The following GNAO1 variants were observed in gnomAD, a reference collection of about 807,000 sequenced individuals.
GNAO1 encodes the protein G protein subunit alpha o1.
For synonymous variants in GNAO1, 164 were observed against 180.7 expected, an observed-to-expected ratio of 0.91 and a Z score of 0.74; for missense variants, 166 against 478.7, an observed-to-expected ratio of 0.35 and a Z score of 6.10.
intron 2 of GNAO1, among the ~76,000 whole-genome samples, chr16:56,220,843 G>A (rs1330635279): frequency 1.3e-5 from 2 of 152,106 alleles, no homozygotes; most frequent in Admixed American, 1.3e-4. Flanking sequence ...TGCTGCCCGG[G>A]TTCAAGCAAT....
intron 2 of GNAO1, among the ~76,000 whole-genome samples, chr16:56,230,543 G>A (rs2036580154): frequency 6.6e-6 from 1 of 152,112 alleles, no homozygotes; most frequent in Non-Finnish European, 1.5e-5. Flanking sequence ...TGAAGCTATT[G>A]GAATAGCCTT....
intron 6 of GNAO1, chr16:56,345,181 T>C: frequency 1.0e-6 from 1 of 985,944 alleles, no homozygotes; most frequent in Non-Finnish European, 1.2e-6. Context: ...TGGCTGGCCT[T>C]GGGCAACCAA....
At chr16:56,263,143 G>T (rs2036919140) in intron 2 of GNAO1, among the ~76,000 whole-genome samples, 1 of 152,212 alleles carries the variant, frequency 6.6e-6, no homozygotes, top group Non-Finnish European at 1.5e-5. Context: ...GGCCCAAGGG[G>T]GAAGACTATT....
chr16:56,346,494 A>T, intron 6 of GNAO1: 1 of 985,380 alleles, frequency 1.0e-6, no homozygotes, highest in Non-Finnish European at 1.2e-6. Flanking sequence ...CAGTTTTGTG[A>T]CCTGCGCCGC....
chr16:56,255,114 T>C (rs1218126534), intron 2 of GNAO1, among the ~76,000 whole-genome samples: 1 of 152,210 alleles, frequency 6.6e-6, no homozygotes, highest in Non-Finnish European at 1.5e-5. Flanking sequence ...GAGCTGTTGG[T>C]GGAATTTCCC....
intron 3 of GNAO1, among the ~76,000 whole-genome samples, chr16:56,280,981 T>A (rs138248075): frequency 1.3e-5 from 2 of 152,316 alleles, no homozygotes; most frequent in African/African-American, 4.8e-5. Flanking sequence ...TGGGCCTAAT[T>A]TGTCCTGTTA....
At position 56,273,781 on chromosome 16, in the gene GNAO1, C is replaced by T. The variant is rs114934443; in HGVS notation, c.162-2150C>T. Reference sequence around the variant, plus strand: ...CTCAGCCCCGTTGCTATGGCATGAGCCTTCTGGCGTCTCTGCTGAGTGCCC... The same window carrying T: ...CTCAGCCCCGTTGCTATGGCATGAGTCTTCTGGCGTCTCTGCTGAGTGCCC... On this transcript the variant is annotated intron_variant, in intron 2 of 8. Transcript: ENST00000262493. Among the ~76,000 whole-genome samples, 184 of 152,310 alleles carry T rather than the reference C, an allele frequency of 1.2e-3. 1 individual carries two copies. The highest frequency in any genetic ancestry group is 4.3e-3 in the African/African-American group (180 of 41,568).
chr16:56,353,326 A>G (rs1240496746), intron 7 of GNAO1: 1 of 152,212 alleles, frequency 6.6e-6, no homozygotes, highest in Non-Finnish European at 1.5e-5. Flanking sequence ...GGGAGTGGCC[A>G]GTCTCACTGC....
chr16:56,296,871 C>A (rs776645216), intron 3 of GNAO1, among the ~76,000 whole-genome samples: 8 of 152,092 alleles, frequency 5.3e-5, no homozygotes, highest in African/African-American at 9.7e-5. Flanking sequence ...TGAGGGAATC[C>A]CAGTTCTCTG....
Position 56,357,067 on chromosome 16 carries a change from C to CA in GNAO1, c.*1000dup, listed in dbSNP as rs1488973671. The CA allele has an allele frequency of 2.0e-5, 3 of 149,522 alleles. No homozygotes were observed. Among genetic ancestry groups the CA allele is most frequent in the Admixed American group, 1.3e-4 (2 of 14,980 alleles). 9.3% of individuals were successfully genotyped at this position (149,522 alleles called of 1,614,324 possible). On this transcript the variant is annotated 3_prime_UTR_variant, in exon 9 of 9. Coordinates refer to ENST00000262493, the MANE Select transcript of GNAO1 (RefSeq NM_020988.3). ...AATACCACAAGATGGAAAAAAAAAACAAAAAAATTTAAAAAGATGGAATGT... is the reference window on the plus strand; with the variant it reads ...AATACCACAAGATGGAAAAAAAAAACAAAAAAAATTTAAAAAGATGGAATGT...
At position 56,311,243 on chromosome 16, in the gene GNAO1, A is replaced by C. The variant is rs1378697822; in HGVS notation, c.304-17388A>C. On this transcript the variant is annotated intron_variant, in intron 3 of 8. Coordinates refer to ENST00000262493, the MANE Select transcript of GNAO1 (RefSeq NM_020988.3). This position sits in a 1 kb window ranked among gnomAD's most constrained non-coding sequence, Gnocchi z 5.2. The stretch of plus-strand genomic sequence containing the variant: ...TGACAGGGATGAAGGAAAGCAAGAA[A>C]TGCCTTGGAGGGGAGTGGAACCTGA... 6.6e-6 allele frequency among the ~76,000 whole-genome samples: 1 copy of C among 151,982 alleles called. No individual in the cohort carries two copies. The highest frequency in any genetic ancestry group is 1.9e-4 in the East Asian group (1 of 5,168).
chr16:56,338,344 A>G (rs1477931423), intron 6 of GNAO1, among the ~76,000 whole-genome samples: 2 of 152,170 alleles, frequency 1.3e-5, no homozygotes, highest in Non-Finnish European at 2.9e-5. Flanking sequence ...CCCAGTCTTG[A>G]TGCTGAGTGG....
chr16:56,269,794 A>G (rs975251258), intron 2 of GNAO1, among the ~76,000 whole-genome samples: 2 of 152,148 alleles, frequency 1.3e-5, no homozygotes, highest in Admixed American at 6.5e-5. Context: ...ACCCTCCAGA[A>G]GTTGGGGGGG....
chr16:56,264,811 AATATAGT>A (rs1328618768), intron 2 of GNAO1, among the ~76,000 whole-genome samples: 4 of 148,710 alleles, frequency 2.7e-5, no homozygotes, highest in African/African-American at 9.8e-5. Flanking sequence ...ATATAGTATT[AATATAGT>A]ATATAGTATA....
chr16:56,339,490 C>G (rs1418384399), intron 6 of GNAO1, among the ~76,000 whole-genome samples: 2 of 152,274 alleles, frequency 1.3e-5, no homozygotes, highest in Non-Finnish European at 2.9e-5. Context: ...GCCCCAGGAA[C>G]TCAGGCCTTG....
rs146751878 is a variant in GNAO1, at chr16:56,278,250, C to T, written c.303+2178C>T. On this transcript the variant is annotated intron_variant, in intron 3 of 8. Coordinates refer to ENST00000262493, the MANE Select transcript of GNAO1 (RefSeq NM_020988.3). ...ACACAGTCGAGTCCAAGCACAGTTC[C>T]GTTATGGCAGGTGGCACCATGGCCA... Among the ~76,000 whole-genome samples the T allele has an allele frequency of 2.7e-3, 404 of 152,322 alleles. 3 individuals carry two copies. The highest frequency in any genetic ancestry group is 8.5e-3 in the African/African-American group (353 of 41,572).
At chr16:56,198,563 T>C (rs1267459781) in intron 2 of GNAO1, among the ~76,000 whole-genome samples, 6 of 152,216 alleles carry the variant, frequency 3.9e-5, no homozygotes, top group African/African-American at 1.4e-4. Flanking sequence ...TATGTGACCT[T>C]ACACAAGGCC....
At chr16:56,314,442 G>A (rs1297436556) in intron 3 of GNAO1, among the ~76,000 whole-genome samples, 5 of 152,180 alleles carry the variant, frequency 3.3e-5, no homozygotes, top group South Asian at 2.1e-4. Flanking sequence ...CAGTACAGCC[G>A]CCACCCTTAC....
At chr16:56,267,582 C>T (rs1442533025) in intron 2 of GNAO1, among the ~76,000 whole-genome samples, 1 of 152,200 alleles carries the variant, frequency 6.6e-6, no homozygotes, top group Non-Finnish European at 1.5e-5. Context: ...CCAGCCAGCA[C>T]CTGCTCCGTG....
Sources: allele counts gnomAD v4.1 joint callset (sites outside exome capture counted in the v4.1 genomes callset), GRCh38; gene constraint gnomAD v4.1.1; non-coding constraint Gnocchi (gnomAD v3.1); transcripts MANE v1.5; gene names NCBI Gene and HGNC (gene_info 2026-07-23, HGNC 2026-07-21).